Variants in MBP observed in about 807,000 individuals in gnomAD.
The protein encoded by MBP is myelin basic protein.
A neutral mutation model predicts 35.8 loss-of-function variants in MBP; 16 were observed. That is an observed-to-expected ratio of 0.45 (90% CI 0.30 to 0.68). MBP has a LOEUF of 0.68. MBP is among the 30% of genes least tolerant of loss of function. The pLI, the probability that MBP is intolerant of heterozygous loss-of-function variation, is 0.08. For missense variants in MBP, 380 were observed against 404.7 expected (o/e 0.94, Z 0.52); for synonymous variants, 143 against 159.6 (o/e 0.90, Z 0.78).
rs1271349559 is a variant in MBP at position 77,100,524 on chromosome 18, T to G, written c.51+4687A>C. On this transcript the variant is annotated intron_variant, in intron 2 of 8. Transcript: ENST00000355994. Reference sequence around the variant, plus strand: ...AGAATTTGGGGTGTGTGTGTGTGTGTGTGTGTGTGTGTGTGTGTGTGTTTT... The same window carrying G: ...AGAATTTGGGGTGTGTGTGTGTGTGGGTGTGTGTGTGTGTGTGTGTGTTTT... Among the ~76,000 whole-genome samples the G allele has an allele frequency of 4.7e-4, 70 of 147,932 alleles. 1 individual carries two copies. Among genetic ancestry groups the G allele is most frequent in the Non-Finnish European group, 6.2e-4 (41 of 66,624 alleles).
Position 77,044,509 on chromosome 18 carries a change from C to A in MBP, c.139+21789G>T, listed in dbSNP as rs990488780. On this transcript the variant is annotated intron_variant, in intron 3 of 8. Transcript: ENST00000355994. This position sits in a 1 kb window ranked among gnomAD's most constrained non-coding sequence, Gnocchi z 4.4. ...ACTCTCCCTGTACAGGCCTTCCTGA[C>A]CCCTCGTCCCTGGAAAGCCCTCTCC... 1.3e-5 allele frequency among the ~76,000 whole-genome samples: 2 copies of A among 152,114 alleles called. No individual in the cohort carries two copies. Among genetic ancestry groups the A allele is most frequent in the Non-Finnish European group, 2.9e-5 (2 of 68,020 alleles).
chr18:77,118,839 TAC>T (rs1418346601), intron 1 of MBP, among the ~76,000 whole-genome samples: 1 of 123,344 alleles, frequency 8.1e-6, no homozygotes. Context: ...CCACAGACAC[TAC>T]AGACACACAC....
At chr18:76,991,043 C>G (rs9676140) in intron 4 of MBP, 111,249 of 175,242 alleles carry the variant, frequency 0.63, 37,748 homozygotes, top group Non-Finnish European at 0.76. Flanking sequence ...GGGCTGAATA[C>G]AGGAAAATGC....
At chr18:76,983,935 AC>A (rs1191962266) in intron 8 of MBP, 1 of 152,004 alleles carries the variant, frequency 6.6e-6, no homozygotes, top group African/African-American at 2.4e-5. Context: ...TCCTCTCTGC[AC>A]CCCGGGGAGC....
At chr18:77,071,868 A>G (rs1029829439) in intron 2 of MBP, among the ~76,000 whole-genome samples, 1 of 152,188 alleles carries the variant, frequency 6.6e-6, no homozygotes, top group African/African-American at 2.4e-5. Flanking sequence ...GGAGAGTGTC[A>G]ATGGCGTAGG....
chr18:77,009,862 C>A, intron 4 of MBP: 1 of 1,590,484 alleles, frequency 6.3e-7, no homozygotes, highest in South Asian at 1.1e-5. Context: ...GTACATGTTG[C>A]ACAGCCCAGG....
Position 76,990,034 on chromosome 18 carries a change from A to C in MBP, c.603T>G (p.Ala201=). 1 of 1,612,982 alleles carries C rather than the reference A, an allele frequency of 6.2e-7. No individual in the cohort carries two copies. Among genetic ancestry groups the C allele is most frequent in the Non-Finnish European group, 8.5e-7 (1 of 1,179,822 alleles). The change falls in exon 5 of 9, where the codon GCT becomes GCG. Residue 201 remains alanine (A), a synonymous_variant. Coordinates refer to ENST00000355994, the MANE Select transcript of MBP (RefSeq NM_001025101.2). ...GKDSHHPART[A]HYGSLPQKSH... ...ACTTCTGGGGCAGGGAGCCGTAGTG[A>C]GCAGTTCTTGCCGGGTGGTGTGAGT...
chr18:77,066,367 CTCT>C lies in MBP; in HGVS notation c.67_69del (p.Arg23del). On this transcript the variant is annotated inframe_deletion, in exon 3 of 9. Coordinates refer to ENST00000355994, the MANE Select transcript of MBP (RefSeq NM_001025101.2). ...AGGTTTCTCTTTTTTTCAGATTCTC[CTCT>C]GTTAGTTTCACTATTCTGGAAAAAG... is the stretch of plus-strand genomic sequence containing the variant. The C allele has an allele frequency of 6.2e-7, 1 of 1,612,110 alleles. No homozygotes were observed. Among genetic ancestry groups the C allele is most frequent in the East Asian group, 2.2e-5 (1 of 44,874 alleles).
At chr18:77,087,499 G>T (rs117923832) in intron 2 of MBP, 13,464 of 152,338 alleles carry the variant, frequency 0.088, 737 homozygotes, top group Middle Eastern at 0.16. Context: ...GAGGAGGCGC[G>T]GCCGGAGCCA....
intron 3 of MBP, among the ~76,000 whole-genome samples, chr18:77,027,426 C>G (rs1972265873): frequency 6.6e-6 from 1 of 152,254 alleles, no homozygotes; most frequent in African/African-American, 2.4e-5. Context: ...GCTGCAACGT[C>G]TAGCCCTGCT....
chr18:77,007,720 C>A (rs1002110559), intron 4 of MBP, among the ~76,000 whole-genome samples: 2 of 152,224 alleles, frequency 1.3e-5, no homozygotes, highest in Non-Finnish European at 2.9e-5. Flanking sequence ...TGCACAAGTG[C>A]TGAGCACAAG....
At position 76,984,825 on chromosome 18, in the gene MBP, C is replaced by T; in HGVS notation, c.820G>A (p.Gly274Arg). The T allele has an allele frequency of 6.2e-7, 1 of 1,614,090 alleles. No homozygotes were observed. The highest frequency in any genetic ancestry group is 1.1e-5 in the South Asian group (1 of 91,076). ...CCCTGGGCATCGACTCCCTTGAATC[C>T]CTTGTGAGCCGATTTATAGTCGGAC... The part of the protein sequence containing the change: ...RASDYKSAHK[G>R]FKGVDAQGTL... Residue 274 changes from glycine to arginine, a missense_variant, in exon 8 of 9, where the codon GGA becomes AGA. Gly to Arg is a moderately radical substitution (Grantham distance 125). Coordinates refer to ENST00000355994, the MANE Select transcript of MBP (RefSeq NM_001025101.2).
At chr18:77,019,585 G>T (rs1882021167) in intron 3 of MBP, among the ~76,000 whole-genome samples, 1 of 152,192 alleles carries the variant, frequency 6.6e-6, no homozygotes, top group Non-Finnish European at 1.5e-5. Flanking sequence ...CCTTCACAAT[G>T]GTCACAGAAG....
intron 3 of MBP, among the ~76,000 whole-genome samples, chr18:77,052,102 T>C (rs1173709742): frequency 6.6e-6 from 1 of 152,142 alleles, no homozygotes; most frequent in Admixed American, 6.5e-5. Flanking sequence ...GACTGTGCCC[T>C]CTGAGCCAGA....
At chr18:77,028,625 C>A (rs1381967643) in intron 3 of MBP, among the ~76,000 whole-genome samples, 1 of 65,688 alleles carries the variant, frequency 1.5e-5, no homozygotes, top group Non-Finnish European at 3.6e-5. Context: ...GGGGGCTGAC[C>A]CCCCCCCACC....
chr18:77,118,723 CCACACACACCCTTCACAGACACCA>C (rs1370415177), intron 1 of MBP, among the ~76,000 whole-genome samples: 1 of 147,390 alleles, frequency 6.8e-6, no homozygotes, highest in Non-Finnish European at 1.5e-5. Context: ...TATATGCATA[CCACACACACCCTTCACAGACACCA>C]CACACACACC....
intron 3 of MBP, among the ~76,000 whole-genome samples, chr18:77,057,049 C>T (rs1359766656): frequency 3.9e-5 from 6 of 152,194 alleles, no homozygotes; most frequent in Admixed American, 3.9e-4. Context: ...GGCATGTCCC[C>T]CAAGAACTGC....
chr18:77,099,905 C>G (rs1299093783), intron 2 of MBP, among the ~76,000 whole-genome samples: 1 of 152,248 alleles, frequency 6.6e-6, no homozygotes, highest in Admixed American at 6.5e-5. Context: ...GAGGACAGGG[C>G]AGAGACTGCG....
chr18:77,018,957 TATCCATTC>T (rs1483769938), intron 3 of MBP, among the ~76,000 whole-genome samples: 8 of 61,118 alleles, frequency 1.3e-4, no homozygotes, highest in African/African-American at 4.7e-4. Flanking sequence ...TCCATCCATC[TATCCATTC>T]ATCCATCCAT....
Sources: allele counts gnomAD v4.1 joint callset (sites outside exome capture counted in the v4.1 genomes callset), GRCh38; gene constraint gnomAD v4.1.1; non-coding constraint Gnocchi (gnomAD v3.1); transcripts MANE v1.5; gene names NCBI Gene and HGNC (gene_info 2026-07-23, HGNC 2026-07-21).